SKP2: variants seen among roughly 807,000 people sequenced by gnomAD.
The protein encoded by SKP2 is S-phase kinase-associated protein 2.
Under a neutral mutation model 51.8 loss-of-function variants are expected in SKP2, and 16 were observed. The observed-to-expected ratio is 0.31, with a 90% CI of 0.21 to 0.47. The LOEUF is 0.47. Among genes scored for constraint, SKP2 ranks in the 20% least tolerant of loss-of-function variants. The pLI, the probability that SKP2 is intolerant of heterozygous loss-of-function variation, is 1.00. For synonymous variants in SKP2, 176 were observed against 198.6 expected (o/e 0.89, Z 0.96); for missense variants, 377 against 505.3 (o/e 0.75, Z 2.43).
In SKP2 at chr5:36,182,088, C is replaced by G; in HGVS notation, c.*57C>G. 1.9e-6 allele frequency: 3 copies of G among 1,586,276 alleles called. No homozygotes were observed. The highest frequency in any genetic ancestry group is 2.6e-6 in the Non-Finnish European group (3 of 1,164,250). On this transcript the variant is annotated 3_prime_UTR_variant, in exon 10 of 10. Coordinates refer to ENST00000274255, the MANE Select transcript of SKP2 (RefSeq NM_005983.4). ...AGAACAGGGAAAATAGGCAGGAAGCCCAATTGCTGGAGTACTTAGCTAGTT... is the reference window on the plus strand; with the variant it reads ...AGAACAGGGAAAATAGGCAGGAAGCGCAATTGCTGGAGTACTTAGCTAGTT...
chr5:36,164,920 C>A (rs1745239731), intron 3 of SKP2, among the ~76,000 whole-genome samples: 1 of 152,138 alleles, frequency 6.6e-6, no homozygotes, highest in South Asian at 2.1e-4. Flanking sequence ...GGCAAAAGCA[C>A]CTAAAATTTA....
rs1744743076 is a variant in SKP2 at position 36,152,139 on chromosome 5, C to G, written c.-124C>G. ...GGGGATGGAACGTTGCTAGGCTTAG[C>G]GGGTCTGGCTGCTGGGGGCCCGAGC... On this transcript the variant is annotated 5_prime_UTR_variant, in exon 1 of 10. Transcript: ENST00000274255. 1 of 969,174 alleles carries G rather than the reference C, an allele frequency of 1.0e-6. No individual in the cohort carries two copies. Among genetic ancestry groups the G allele is most frequent in the Non-Finnish European group, 1.7e-6 (1 of 603,146 alleles). 60.0% of individuals were successfully genotyped at this position (969,174 alleles called of 1,614,324 possible). A position where few individuals can be genotyped will look rare whatever the true frequency, so the allele number is the denominator to read the frequency against.
chr5:36,189,187 G>A (rs143246106), downstream of SKP2, among the ~76,000 whole-genome samples: 1,440 of 152,204 alleles, frequency 9.5e-3, 47 homozygotes, highest in East Asian at 0.062. Context: ...CCTTTAGCTC[G>A]GAGAAGTTTG....
chr5:36,187,538 G>T (rs1417314183), downstream of SKP2, among the ~76,000 whole-genome samples: 3 of 152,192 alleles, frequency 2.0e-5, no homozygotes, highest in Non-Finnish European at 2.9e-5. Context: ...ATGTAGTTGA[G>T]CAGTTTTGAG....
At chr5:36,152,638 A>G in intron 1 of SKP2, 133 bp from the exon 2 acceptor site, 1 of 888,558 alleles carries the variant, frequency 1.1e-6, no homozygotes, top group Non-Finnish European at 1.7e-6. Flanking sequence ...CGCCGCAGGC[A>G]CATAAAAAAT....
intron 8 of SKP2, 40 bp from the exon 9 acceptor site, chr5:36,177,145 T>C (rs748364739): frequency 7.3e-7 from 1 of 1,377,178 alleles, no homozygotes; most frequent in Non-Finnish European, 1.0e-6. Flanking sequence ...CTAGGATCAA[T>C]GTGTGATTTT....
chr5:36,187,912 G>T (rs1745971299), downstream of SKP2, among the ~76,000 whole-genome samples: 1 of 152,018 alleles, frequency 6.6e-6, no homozygotes, highest in Non-Finnish European at 1.5e-5. Context: ...TATGAATCTG[G>T]GTGCTCCTGT....
chr5:36,187,609 T>A (rs1745968491), downstream of SKP2, among the ~76,000 whole-genome samples: 1 of 152,208 alleles, frequency 6.6e-6, no homozygotes, highest in East Asian at 1.9e-4. Flanking sequence ...CAGTTTGTTA[T>A]AATTTCTGTT....
intron 2 of SKP2, among the ~76,000 whole-genome samples, chr5:36,163,321 C>T (rs1385302679): frequency 6.6e-6 from 1 of 152,118 alleles, no homozygotes; most frequent in Admixed American, 6.5e-5. Context: ...CTCCGATTGG[C>T]TGGCTAGAGC....
chr5:36,191,468 G>T (rs1310930046), intron 6 of SKP2, among the ~76,000 whole-genome samples: 3 of 148,406 alleles, frequency 2.0e-5, no homozygotes, highest in African/African-American at 7.5e-5. Flanking sequence ...ATACCTGTCT[G>T]TTTCATTTTC....
intron 9 of SKP2, among the ~76,000 whole-genome samples, chr5:36,179,446 A>G (rs1322093915): frequency 2.0e-5 from 3 of 152,154 alleles, no homozygotes; most frequent in Non-Finnish European, 4.4e-5. Context: ...GGGAAACTAT[A>G]AAGTTTTCTT....
At chr5:36,159,175 G>GT (rs1426126442) in intron 2 of SKP2, among the ~76,000 whole-genome samples, 2 of 152,208 alleles carry the variant, frequency 1.3e-5, no homozygotes, top group African/African-American at 2.4e-5. Context: ...ATCTGGAGGA[G>GT]TTGGGAAGGC....
chr5:36,171,017 G>C (rs1221496148), intron 6 of SKP2, among the ~76,000 whole-genome samples: 1 of 152,062 alleles, frequency 6.6e-6, no homozygotes, highest in African/African-American at 2.4e-5. Flanking sequence ...TCTTGTTAAT[G>C]GTCCATTTAA....
At chr5:36,152,391 C>A in intron 1 of SKP2, 121 bp downstream of exon 1, 3 of 990,856 alleles carry the variant, frequency 3.0e-6, no homozygotes, top group Non-Finnish European at 3.2e-6. Flanking sequence ...GGTTGCTTAG[C>A]CCCTTCTTGG....
At chr5:36,173,537 A>T (rs975702442) in intron 7 of SKP2, among the ~76,000 whole-genome samples, 10 of 152,150 alleles carry the variant, frequency 6.6e-5, no homozygotes, top group Admixed American at 1.3e-4. Flanking sequence ...TTACTGAAAG[A>T]TTTTCTGACA....
At chr5:36,165,863 A>G (rs1745267960) in intron 3 of SKP2, among the ~76,000 whole-genome samples, 1 of 152,210 alleles carries the variant, frequency 6.6e-6, no homozygotes, top group South Asian at 2.1e-4. Flanking sequence ...TTTTTAGAAC[A>G]TCCCTTTTGT....
At position 36,165,924 on chromosome 5, in the gene SKP2, G is replaced by A. The variant is rs144864495; in HGVS notation, c.393-595G>A. Among the ~76,000 whole-genome samples, 36 of 152,036 alleles carry A rather than the reference G, an allele frequency of 2.4e-4. No homozygotes were observed. In the East Asian group the frequency reaches 6.9e-3, roughly 29 times the overall value. Reference sequence around the variant, plus strand: ...TGTATTTTTCCCTTATTTCACATTAGTTCATACACACACATATGTACACAT... The same window carrying A: ...TGTATTTTTCCCTTATTTCACATTAATTCATACACACACATATGTACACAT... On this transcript the variant is annotated intron_variant, in intron 3 of 9. Coordinates refer to ENST00000274255, the MANE Select transcript of SKP2 (RefSeq NM_005983.4).
chr5:36,184,892 G>T (rs1364818798), downstream of SKP2, among the ~76,000 whole-genome samples: 4 of 152,146 alleles, frequency 2.6e-5, no homozygotes, highest in African/African-American at 9.7e-5. Context: ...GTATAAAAGT[G>T]ATCCTATATC....
At chr5:36,152,338 T>G in intron 1 of SKP2, 68 bp downstream of exon 1, 1 of 1,380,506 alleles carries the variant, frequency 7.2e-7, no homozygotes, top group Non-Finnish European at 1.0e-6. Context: ...AGGCCGCGAA[T>G]ATCGCTACTG....
Sources: allele counts gnomAD v4.1 joint callset (sites outside exome capture counted in the v4.1 genomes callset), GRCh38; gene constraint gnomAD v4.1.1; transcripts MANE v1.5; gene names NCBI Gene and HGNC (gene_info 2026-07-23, HGNC 2026-07-21).